SUSD4: variants seen among roughly 807,000 people sequenced by gnomAD.
SUSD4 encodes the protein sushi domain containing 4.
In SUSD4, 41 loss-of-function variants were observed where a neutral mutation model predicts 50.5. The ratio of observed to expected loss-of-function variants is 0.81; its 90% CI spans 0.63 to 1.05. The LOEUF is 1.05. Among genes scored for constraint, SUSD4 ranks in the 50% least tolerant of loss-of-function variants. The probability of loss-of-function intolerance (pLI) is 0.00; values close to 1 mark genes in which losing one functional copy is unlikely to be tolerated. For missense variants in SUSD4, 580 were observed against 634.7 expected (o/e 0.91, Z 0.93); for synonymous variants, 257 against 257.3 (o/e 1.00, Z 0.01).
chr1:223,350,105 G>A (rs541454223), intron 2 of SUSD4, among the ~76,000 whole-genome samples: 23 of 152,276 alleles, frequency 1.5e-4, no homozygotes, highest in South Asian at 4.2e-4. Context: ...GAACCCAGCC[G>A]TGCTGGCACC....
At chr1:223,261,037 A>G (rs1159060788) in intron 5 of SUSD4, among the ~76,000 whole-genome samples, 1 of 152,142 alleles carries the variant, frequency 6.6e-6, no homozygotes, top group Non-Finnish European at 1.5e-5. Flanking sequence ...GGCATTCTCC[A>G]AGGGGTCATG....
At chr1:223,353,750 G>A (rs1300606994) in intron 2 of SUSD4, among the ~76,000 whole-genome samples, 4 of 152,142 alleles carry the variant, frequency 2.6e-5, no homozygotes, top group Non-Finnish European at 5.9e-5. Flanking sequence ...GGAAGGGGCA[G>A]CAGCAGGGAT....
intron 2 of SUSD4, chr1:223,358,787 C>T (rs1441609347): frequency 5.4e-6 from 1 of 184,240 alleles, no homozygotes; most frequent in African/African-American, 2.3e-5. Flanking sequence ...ATTAAGGTAG[C>T]CTTTTGTTGA....
Position 223,229,438 on chromosome 1 carries a change from G to C in SUSD4, c.725-50C>G. On this transcript the variant is annotated intron_variant, in intron 5 of 8. Coordinates refer to ENST00000366878, the MANE Select transcript of SUSD4 (RefSeq NM_017982.4). The surrounding 1 kb of genome is among the most constrained non-coding windows in gnomAD (Gnocchi z 4.7). The stretch of plus-strand genomic sequence containing the variant: ...GTTTCAGAACCACAAGCTCACCTTT[G>C]TCTGAAGCCCCTAAGACGAAGAATG... The C allele has an allele frequency of 1.3e-6, 2 of 1,529,448 alleles. No individual in the cohort carries two copies. Among genetic ancestry groups the C allele is most frequent in the Middle Eastern group, 2.4e-4 (1 of 4,180 alleles). 94.7% of individuals were successfully genotyped at this position (1,529,448 alleles called of 1,614,324 possible).
At chr1:223,252,810 A>G (rs1661425567) in intron 5 of SUSD4, among the ~76,000 whole-genome samples, 1 of 152,064 alleles carries the variant, frequency 6.6e-6, no homozygotes, top group African/African-American at 2.4e-5. Context: ...GGGTCAGAAA[A>G]TGCATTAGGG....
chr1:223,287,829 A>C (rs1012350560), intron 3 of SUSD4, among the ~76,000 whole-genome samples: 9 of 152,236 alleles, frequency 5.9e-5, no homozygotes, highest in African/African-American at 2.2e-4. Context: ...TCCACCTTAC[A>C]GAGAAAAGCT....
intron 5 of SUSD4, among the ~76,000 whole-genome samples, chr1:223,253,858 G>A (rs1311710352): frequency 1.3e-5 from 2 of 152,178 alleles, no homozygotes; most frequent in African/African-American, 2.4e-5. Flanking sequence ...GGTCCCACTC[G>A]TGGCATAAGC....
At chr1:223,321,750 A>T (rs1348884972) in intron 2 of SUSD4, among the ~76,000 whole-genome samples, 1 of 152,248 alleles carries the variant, frequency 6.6e-6, no homozygotes, top group Non-Finnish European at 1.5e-5. Flanking sequence ...TGCATAAAAT[A>T]AAAAGCATAG....
chr1:223,248,953 G>A (rs1314438268), intron 5 of SUSD4, among the ~76,000 whole-genome samples: 3 of 152,082 alleles, frequency 2.0e-5, no homozygotes, highest in Non-Finnish European at 4.4e-5. Context: ...GTGCAAACCC[G>A]TGATTTCCTC....
At chr1:223,247,412 CT>C (rs1261940838) in intron 5 of SUSD4, among the ~76,000 whole-genome samples, 1 of 152,218 alleles carries the variant, frequency 6.6e-6, no homozygotes, top group Admixed American at 6.5e-5. Flanking sequence ...CCACTGGCCC[CT>C]GAATGACTGG....
At chr1:223,265,105 C>T (rs139507233) in intron 4 of SUSD4, among the ~76,000 whole-genome samples, 75 of 152,302 alleles carry the variant, frequency 4.9e-4, no homozygotes, top group African/African-American at 1.7e-3. Flanking sequence ...ACCCTCAGGC[C>T]ACGTGTTCTG....
intron 2 of SUSD4, among the ~76,000 whole-genome samples, chr1:223,318,705 G>T (rs897283828): frequency 2.0e-5 from 3 of 150,926 alleles, no homozygotes; most frequent in Non-Finnish European, 4.4e-5. Flanking sequence ...TGATGGGGTT[G>T]TTTGTGAAAA....
intron 2 of SUSD4, among the ~76,000 whole-genome samples, chr1:223,307,471 T>C (rs920760124): frequency 2.4e-4 from 37 of 152,248 alleles, no homozygotes; most frequent in African/African-American, 8.4e-4. Flanking sequence ...CAACTGTTAA[T>C]AGTAACAACT....
chr1:223,363,584 C>A, intron 1 of SUSD4, 124 bp from the exon 2 acceptor site: 1 of 1,168,402 alleles, frequency 8.6e-7, no homozygotes. Context: ...TCCTCCCCCG[C>A]GCGGCCCCCG....
intron 2 of SUSD4, 73 bp downstream of exon 2, chr1:223,363,205 C>A: frequency 7.1e-7 from 1 of 1,415,082 alleles, no homozygotes; most frequent in Non-Finnish European, 9.3e-7. Flanking sequence ...GGGTGCAGGG[C>A]TGTCCTGGCA....
intron 2 of SUSD4, among the ~76,000 whole-genome samples, chr1:223,325,843 A>T (rs533302656): frequency 6.6e-6 from 1 of 152,350 alleles, no homozygotes; most frequent in East Asian, 1.9e-4. Flanking sequence ...ACGGAGAACT[A>T]TAAAACACTG....
intron 2 of SUSD4, among the ~76,000 whole-genome samples, chr1:223,328,389 C>T (rs1666994228): frequency 6.6e-6 from 1 of 152,220 alleles, no homozygotes; most frequent in Non-Finnish European, 1.5e-5. Context: ...AGTCCCCTTC[C>T]TCCTCTCTGG....
At chr1:223,340,599 G>T (rs913823686) in intron 2 of SUSD4, among the ~76,000 whole-genome samples, 1 of 152,196 alleles carries the variant, frequency 6.6e-6, no homozygotes, top group Non-Finnish European at 1.5e-5. Flanking sequence ...GCTTCTGTCC[G>T]CAGTCATGAT....
Position 223,285,407 on chromosome 1 carries a change from A to C in SUSD4, c.361+7032T>G, listed in dbSNP as rs147928478. Among the ~76,000 whole-genome samples the C allele has an allele frequency of 6.6e-5, 10 of 152,290 alleles. No individual in the cohort carries two copies. The East Asian group carries it at 1.9e-3, about 30-fold the overall frequency. On this transcript the variant is annotated intron_variant, in intron 3 of 8. Transcript: ENST00000366878. ...CCTGTCCATCTTTGTCAGCATCCCC[A>C]AAATACATGACTTTGGACAGGCAAC...
Sources: gnomAD v4.1 joint callset for allele counts (sites outside exome capture counted in the v4.1 genomes callset) on GRCh38, gnomAD v4.1.1 for gene constraint, Gnocchi (gnomAD v3.1) non-coding constraint, MANE v1.5 for transcripts, NCBI Gene and HGNC (gene_info 2026-07-23, HGNC 2026-07-21) for gene names.